JMJD1C: variants seen among roughly 807,000 people sequenced by gnomAD.
JMJD1C encodes jumonji domain-containing protein 1C.
Under a neutral mutation model 245.3 loss-of-function variants are expected in JMJD1C, and 31 were observed. That is an observed-to-expected ratio of 0.13 (90% CI 0.09 to 0.17). The LOEUF (loss-of-function observed/expected upper bound fraction) is 0.17. Ranked by LOEUF, JMJD1C falls within the 10% of genes least tolerant of loss-of-function variation. The probability of loss-of-function intolerance (pLI) is 1.00; values close to 1 mark genes in which losing one functional copy is unlikely to be tolerated. For missense variants in JMJD1C, 2,691 were observed against 3,000.2 expected (o/e 0.90, Z 2.41); for synonymous variants, 1,057 against 1,017.4 (o/e 1.04, Z -0.74).
chr10:63,404,562 T>C (rs551565635), intron 1 of JMJD1C, among the ~76,000 whole-genome samples: 2 of 152,152 alleles, frequency 1.3e-5, no homozygotes, highest in Non-Finnish European at 2.9e-5. Flanking sequence ...TAAGATATAT[T>C]TGAGATTTTA....
At chr10:63,256,146 G>C (rs1235040935) in intron 3 of JMJD1C, among the ~76,000 whole-genome samples, 1 of 152,156 alleles carries the variant, frequency 6.6e-6, no homozygotes, top group Non-Finnish European at 1.5e-5. Context: ...AACTACTGCA[G>C]TGACTTATAA....
intron 3 of JMJD1C, among the ~76,000 whole-genome samples, chr10:63,262,130 G>A (rs912497806): frequency 3.9e-5 from 6 of 152,062 alleles, no homozygotes; most frequent in Admixed American, 1.3e-4. Context: ...ACTTACAGAG[G>A]GTTACCCTAA....
At chr10:63,172,878 G>C (rs1196209241) in intron 24 of JMJD1C, among the ~76,000 whole-genome samples, 1 of 147,532 alleles carries the variant, frequency 6.8e-6, no homozygotes, top group Non-Finnish European at 1.5e-5. Flanking sequence ...AGGATGGCTA[G>C]AGAGGAACTA....
At chr10:63,197,068 C>G (rs1845542260) in intron 13 of JMJD1C, among the ~76,000 whole-genome samples, 1 of 151,962 alleles carries the variant, frequency 6.6e-6, no homozygotes, top group Non-Finnish European at 1.5e-5. Flanking sequence ...CTTGGCCTCC[C>G]AAAGTGCTGA....
At chr10:63,295,890 T>C (rs542769664) in intron 2 of JMJD1C, among the ~76,000 whole-genome samples, 79 of 150,032 alleles carry the variant, frequency 5.3e-4, no homozygotes, top group African/African-American at 1.9e-3. Context: ...TATATATGTA[T>C]ATATATATAC....
At chr10:63,370,390 T>C (rs555100521) in intron 2 of JMJD1C, among the ~76,000 whole-genome samples, 38 of 152,360 alleles carry the variant, frequency 2.5e-4, no homozygotes, top group African/African-American at 9.1e-4. Flanking sequence ...GTTTTATTTA[T>C]ATACTGTCTT....
intron 1 of JMJD1C, among the ~76,000 whole-genome samples, chr10:63,455,232 A>G (rs905234950): frequency 1.3e-5 from 2 of 152,196 alleles, no homozygotes; most frequent in African/African-American, 4.8e-5. Flanking sequence ...AAAAAAGTTA[A>G]TAAATTTTAG....
rs2133216015 is a variant in JMJD1C, at chr10:63,213,908, G to C, written c.2259C>G (p.Thr753=). The C allele has an allele frequency of 6.2e-7, 1 of 1,614,084 alleles. No homozygotes were observed. Among genetic ancestry groups the C allele is most frequent in the Admixed American group, 1.7e-5 (1 of 60,016 alleles). The part of the protein sequence containing the change: ...SSHRTCLNPG[T]HHPALTPAPH... ...GTGCAGGAGTTAAGGCAGGATGATG[G>C]GTACCTGGATTTAAACAGGTTCTAT... The change falls in exon 8 of 26, where the codon ACC becomes ACG. Residue 753 remains threonine, a synonymous_variant. Transcript: ENST00000399262.
At chr10:63,230,960 C>T in intron 3 of JMJD1C, among the ~76,000 whole-genome samples, 2 of 152,214 alleles carry the variant, frequency 1.3e-5, no homozygotes, top group Middle Eastern at 6.8e-3. Flanking sequence ...CTGTACAACA[C>T]ATAATATAAT....
chr10:63,292,144 A>ATTTTTTTTTTTTT (rs573065816), intron 2 of JMJD1C, among the ~76,000 whole-genome samples: 2,032 of 56,230 alleles, frequency 0.036, 608 homozygotes, highest in African/African-American at 0.11. Flanking sequence ...GTAGAGACAG[A>ATTTTTTTTTTTTT]TTTTTTTTTT....
intron 2 of JMJD1C, among the ~76,000 whole-genome samples, chr10:63,315,073 C>G (rs1029272272): frequency 6.6e-6 from 1 of 151,914 alleles, no homozygotes; most frequent in African/African-American, 2.4e-5. Context: ...CCTGCCTCAG[C>G]CTCCCAAGTA....
At chr10:63,416,523 G>A (rs1158702782) in intron 1 of JMJD1C, among the ~76,000 whole-genome samples, 1 of 152,028 alleles carries the variant, frequency 6.6e-6, no homozygotes, top group Non-Finnish European at 1.5e-5. Flanking sequence ...AGCATGAAAG[G>A]CCTGTCAAGT....
chr10:63,208,665 T>G lies in JMJD1C; in HGVS notation c.3004A>C (p.Asn1002His), dbSNP rs761151454. Residue 1002 changes from asparagine to histidine, a missense_variant, in exon 10 of 26, where the codon AAT (asparagine) becomes CAT (histidine). Around this residue, in one of 9 missense-constraint regions of JMJD1C, gnomAD observed 1,562 missense variants for 1,490.7 expected, o/e 1.05. Transcript: ENST00000399262. ...TCCTGGGGTGGCCTCTGTAACTGATTTAATACTGGATCCACAAAATGCCTA... is the reference window on the plus strand; with the variant it reads ...TCCTGGGGTGGCCTCTGTAACTGATGTAATACTGGATCCACAAAATGCCTA... ...LHRHFVDPVL[N>H]QLQRPPQETG... 1.5e-5 allele frequency: 25 copies of G among 1,614,102 alleles called. No individual in the cohort carries two copies. In the East Asian group the frequency reaches 5.3e-4, roughly 35 times the overall value.
At chr10:63,382,596 C>T (rs1289603806) in intron 1 of JMJD1C, among the ~76,000 whole-genome samples, 2 of 152,146 alleles carry the variant, frequency 1.3e-5, no homozygotes, top group Non-Finnish European at 2.9e-5. Context: ...TCATACACAA[C>T]AGTAAAAAAT....
At chr10:63,295,450 A>T (rs1045231924) in intron 2 of JMJD1C, among the ~76,000 whole-genome samples, 2 of 152,174 alleles carry the variant, frequency 1.3e-5, no homozygotes, top group South Asian at 2.1e-4. Context: ...AATGTTAAGA[A>T]ATTACAATTA....
intron 2 of JMJD1C, among the ~76,000 whole-genome samples, chr10:63,266,108 A>G (rs571781080): frequency 3.3e-4 from 50 of 152,184 alleles, no homozygotes; most frequent in African/African-American, 1.0e-3. Flanking sequence ...TATGCTATCT[A>G]CATCATGAAG....
rs181540163 is a variant in JMJD1C, at chr10:63,350,142, T to C, written c.333+30176A>G. 2.4e-4 allele frequency among the ~76,000 whole-genome samples: 37 copies of C among 152,344 alleles called. No homozygotes were observed. In the East Asian group the frequency reaches 6.4e-3, roughly 26 times the overall value. On this transcript the variant is annotated intron_variant, in intron 2 of 25. Coordinates refer to ENST00000399262, the MANE Select transcript of JMJD1C (RefSeq NM_032776.3). ...ATGGAATCTCACAACCAAATACTTT[T>C]CTGTAACATCCTTATTACCTCCATT...
chr10:63,410,007 T>C (rs2132654272), intron 1 of JMJD1C, among the ~76,000 whole-genome samples: 1 of 152,240 alleles, frequency 6.6e-6, no homozygotes, highest in Admixed American at 6.5e-5. Flanking sequence ...GAGGAAGTAA[T>C]AAATATATAT....
In JMJD1C at chr10:63,519,382, T is replaced by C. The variant is rs543805787; in HGVS notation, n.113+2356A>G. ...AAAGACATTTTTAAGAGACTTCCAA[T>C]GTACGTGGCTGAAATTTTTTAAATC... On this transcript the variant is annotated intron_variant and non_coding_transcript_variant, in intron 1 of 3. Coordinates refer to the JMJD1C transcript ENST00000633035. Among the ~76,000 whole-genome samples the C allele has an allele frequency of 5.9e-5, 9 of 152,326 alleles. No individual in the cohort carries two copies. In the South Asian group the frequency reaches 8.3e-4, roughly 14 times the overall value.
Sources: allele counts gnomAD v4.1 joint callset (sites outside exome capture counted in the v4.1 genomes callset), GRCh38; gene constraint gnomAD v4.1.1; regional missense constraint gnomAD v4.1.1; transcripts MANE v1.5; gene names NCBI Gene and HGNC (gene_info 2026-07-23, HGNC 2026-07-21).